The following TUBB3 variants were observed in gnomAD, a reference collection of about 807,000 sequenced individuals.
TUBB3 encodes the protein tubulin beta-3 chain.
In TUBB3, 17 loss-of-function variants were observed where a neutral mutation model predicts 37.8. That is an observed-to-expected ratio of 0.45 (90% CI 0.31 to 0.67). The LOEUF is 0.67. Ranked by LOEUF, TUBB3 falls within the 30% of genes least tolerant of loss-of-function variation. TUBB3 has a pLI of 0.07. For missense variants in TUBB3, 262 were observed against 657.9 expected (o/e 0.40, Z 6.58); for synonymous variants, 332 against 278.9 (o/e 1.19, Z -1.90).
upstream of TUBB3, chr16:89,923,169 T>G (rs573367096): frequency 2.1e-5 from 4 of 186,228 alleles, no homozygotes; most frequent in South Asian, 3.9e-4. Context: ...GGGGGATCCT[T>G]GGCTGCGGGA....
chr16:89,934,677 T>C (rs2030392516), intron 3 of TUBB3, 52 bp from the exon 4 acceptor site: 2 of 1,573,474 alleles, frequency 1.3e-6, no homozygotes, highest in Middle Eastern at 1.7e-4. Context: ...GCTGGAGGTC[T>C]GGACTGCAGA....
At position 89,935,154 on chromosome 16, in the gene TUBB3, G is replaced by A. The variant is rs2030409379; in HGVS notation, c.703G>A (p.Gly235Arg). Reference sequence around the variant, plus strand: ...CCACCTGGTATCGGCCACCATGAGCGGAGTCACCACCTCCTTGCGCTTCCC... The same window carrying A: ...CCACCTGGTATCGGCCACCATGAGCAGAGTCACCACCTCCTTGCGCTTCCC... ...LNHLVSATMSGVTTSLRFPGQ... is the reference protein window; with the variant it reads ...LNHLVSATMSRVTTSLRFPGQ... Residue 235 changes from glycine (G) to arginine (R), a missense_variant, in exon 4 of 4, where the codon GGA becomes AGA. Gly to Arg is a moderately radical substitution (Grantham distance 125). This residue lies in a region of TUBB3 where 165 missense variants were observed against 556.8 expected (regional missense o/e 0.30). Transcript: ENST00000315491. The A allele has an allele frequency of 1.2e-6, 2 of 1,614,046 alleles. No individual in the cohort carries two copies. Among genetic ancestry groups the A allele is most frequent in the Non-Finnish European group, 8.5e-7 (1 of 1,180,034 alleles).
Position 89,923,477 on chromosome 16 carries a change from G to A in TUBB3, c.57+19G>A. The A allele has an allele frequency of 1.4e-6, 2 of 1,455,024 alleles. No individual in the cohort carries two copies. The highest frequency in any genetic ancestry group is 2.5e-4 in the Middle Eastern group (1 of 3,984). The allele number at this position is 1,455,024 out of a possible 1,614,324, so 90.1% of individuals were successfully genotyped here. A position where few individuals can be genotyped will look rare whatever the true frequency, so the allele number is the denominator to read the frequency against. On this transcript the variant is annotated intron_variant, in intron 1 of 3. Coordinates refer to ENST00000315491, the MANE Select transcript of TUBB3 (RefSeq NM_006086.4). The stretch of plus-strand genomic sequence containing the variant: ...GGCCAAGGTGAGGCTGCGCGCCCCG[G>A]CCTGTCCCGGGCCCCGGGGCGGGAG...
chr16:89,935,742 G>A lies in TUBB3; in HGVS notation c.1291G>A (p.Glu431Lys), dbSNP rs964422136. The A allele has an allele frequency of 5.0e-6, 8 of 1,613,848 alleles. No homozygotes were observed. The highest frequency in any genetic ancestry group is 6.8e-6 in the Non-Finnish European group (8 of 1,179,966). ...EYQQYQDATA[E>K]EEGEMYEDDE... The stretch of plus-strand genomic sequence containing the variant: ...CCAGCAGTACCAGGACGCCACGGCC[G>A]AGGAAGAGGGCGAGATGTACGAAGA... Residue 431 changes from glutamate (E) to lysine (K), a missense_variant, in exon 4 of 4, where the codon GAG becomes AAG. By Grantham distance (56) the Glu-to-Lys change is moderately conservative. Transcript: ENST00000315491.
At chr16:89,925,353 A>T (rs1334339613) in intron 1 of TUBB3, among the ~76,000 whole-genome samples, 1 of 151,820 alleles carries the variant, frequency 6.6e-6, no homozygotes, top group Non-Finnish European at 1.5e-5. Flanking sequence ...GCACTTTGGG[A>T]GACTGAAACT....
chr16:89,931,839 C>T, intron 1 of TUBB3: 1 of 415,740 alleles, frequency 2.4e-6, no homozygotes, highest in Non-Finnish European at 4.9e-6. Flanking sequence ...CTGCAGGCAC[C>T]TGCTCTAGGG....
intron 3 of TUBB3, chr16:89,933,822 G>A (rs770475720): frequency 4.0e-5 from 28 of 700,038 alleles, no homozygotes; most frequent in Non-Finnish European, 6.5e-5. Flanking sequence ...GAAGCTTACA[G>A]AATTGCTAGA....
intron 1 of TUBB3, among the ~76,000 whole-genome samples, chr16:89,927,685 G>A (rs2144406187): frequency 6.6e-6 from 1 of 152,322 alleles, no homozygotes; most frequent in African/African-American, 2.4e-5. Flanking sequence ...CAAGCTTTGT[G>A]CTAAGGCCTG....
intron 1 of TUBB3, among the ~76,000 whole-genome samples, chr16:89,927,690 G>GGCCT (rs2030134861): frequency 6.6e-6 from 1 of 152,234 alleles, no homozygotes. Flanking sequence ...TTTGTGCTAA[G>GGCCT]GCCTGGATGT....
In TUBB3 at chr16:89,928,611, G is replaced by A. The variant is rs568771275; in HGVS notation, c.58-3960G>A. On this transcript the variant is annotated intron_variant, in intron 1 of 3. Coordinates refer to ENST00000315491, the MANE Select transcript of TUBB3 (RefSeq NM_006086.4). ...ACAATCTCGGTTCACTGCAAGCTCC[G>A]CCTCCCAGGTTCACGCCATTCTCCT... 3.8e-3 allele frequency among the ~76,000 whole-genome samples: 575 copies of A among 150,676 alleles called. 3 individuals carry two copies. Among genetic ancestry groups the A allele is most frequent in the Non-Finnish European group, 4.4e-3 (300 of 67,874 alleles).
intron 1 of TUBB3, among the ~76,000 whole-genome samples, chr16:89,931,243 C>T (rs2030268432): frequency 6.6e-6 from 1 of 152,240 alleles, no homozygotes; most frequent in South Asian, 2.1e-4. Flanking sequence ...CAGTCATGAG[C>T]CACTGTGCCC....
chr16:89,934,388 G>A (rs1265673067), intron 3 of TUBB3: 1 of 519,448 alleles, frequency 1.9e-6, no homozygotes, highest in Non-Finnish European at 3.7e-6. Flanking sequence ...GGATTCTGGG[G>A]TGGCTGTTTG....
chr16:89,924,464 T>TG (rs1567760723), intron 1 of TUBB3, among the ~76,000 whole-genome samples: 7 of 112,756 alleles, frequency 6.2e-5, no homozygotes, highest in East Asian at 3.6e-4. Context: ...GAACAGGGGA[T>TG]CGGGGGGGGA....
At chr16:89,925,551 G>C (rs756384330) in intron 1 of TUBB3, among the ~76,000 whole-genome samples, 2 of 152,066 alleles carry the variant, frequency 1.3e-5, no homozygotes, top group Non-Finnish European at 2.9e-5. Context: ...AACTATGACC[G>C]CACCACTGTA....
chr16:89,934,641 G>A (rs539700143), intron 3 of TUBB3, 88 bp from the exon 4 acceptor site: 2 of 1,336,668 alleles, frequency 1.5e-6, no homozygotes, highest in Non-Finnish European at 2.1e-6. Flanking sequence ...GGCTGCCACG[G>A]CTGCCCTTGG....
chr16:89,926,964 G>A (rs898461030), intron 1 of TUBB3, among the ~76,000 whole-genome samples: 1 of 152,042 alleles, frequency 6.6e-6, no homozygotes, highest in Admixed American at 6.5e-5. Context: ...TGATTCACCT[G>A]CCTCAGCCTC....
rs374871965 is a variant in TUBB3, at chr16:89,932,823, C to T, written c.166+144C>T. The stretch of plus-strand genomic sequence containing the variant: ...TTAGGTTGGCTGAGATGCCAGCAGG[C>T]GTAACTGGATGTCAGGCATCCAGAC... On this transcript the variant is annotated intron_variant, in intron 2 of 3. Transcript: ENST00000315491. 97 of 702,564 alleles carry T rather than the reference C, an allele frequency of 1.4e-4. No individual in the cohort carries two copies. In the African/African-American group the frequency reaches 1.4e-3, roughly 10 times the overall value. The allele number at this position is 702,564 out of a possible 1,614,324, so 43.5% of individuals were successfully genotyped here. A position where few individuals can be genotyped will look rare whatever the true frequency, so the allele number is the denominator to read the frequency against.
At chr16:89,925,964 G>C (rs1305994987) in intron 1 of TUBB3, among the ~76,000 whole-genome samples, 2 of 152,214 alleles carry the variant, frequency 1.3e-5, no homozygotes, top group African/African-American at 4.8e-5. Flanking sequence ...TCGCGGGGAT[G>C]CAGTAAGCCG....
intron 1 of TUBB3, among the ~76,000 whole-genome samples, chr16:89,924,736 C>CT (rs990805076): frequency 1.3e-5 from 2 of 152,094 alleles, no homozygotes; most frequent in Non-Finnish European, 2.9e-5. Context: ...TGGGGAGACT[C>CT]TAATCACCCA....
Sources: gnomAD v4.1 joint callset for allele counts (sites outside exome capture counted in the v4.1 genomes callset) on GRCh38, gnomAD v4.1.1 for gene constraint, gnomAD v4.1.1 regional missense constraint, MANE v1.5 for transcripts, NCBI Gene and HGNC (gene_info 2026-07-23, HGNC 2026-07-21) for gene names.